Variants in IWS1 observed in about 807,000 individuals in gnomAD.
The protein encoded by IWS1 is interacts with SUPT6H, CTD assembly factor 1, also known as protein IWS1 homolog.
Under a neutral mutation model 86.7 loss-of-function variants are expected in IWS1, and 27 were observed. That is an observed-to-expected ratio of 0.31 (90% CI 0.23 to 0.43). The LOEUF (loss-of-function observed/expected upper bound fraction) is 0.43. Among genes scored for constraint, IWS1 ranks in the 20% least tolerant of loss-of-function variants. The probability of loss-of-function intolerance (pLI) is 1.00; values close to 1 mark genes in which losing one functional copy is unlikely to be tolerated. For synonymous variants in IWS1, 313 were observed against 335.1 expected (o/e 0.93, Z 0.72); for missense variants, 827 against 1,000.8 (o/e 0.83, Z 2.34).
chr2:127,507,239 T>C (rs776563020), intron 2 of IWS1, among the ~76,000 whole-genome samples: 4 of 152,232 alleles, frequency 2.6e-5, no homozygotes, highest in East Asian at 1.9e-4. Context: ...AACCCAAGTA[T>C]GCTGTGTCTA....
At chr2:127,517,583 A>G (rs1338803597) in intron 2 of IWS1, among the ~76,000 whole-genome samples, 1 of 152,250 alleles carries the variant, frequency 6.6e-6, no homozygotes, top group African/African-American at 2.4e-5. Context: ...ATAATTGCCG[A>G]CAAGAGTATG....
In IWS1 at chr2:127,493,357, T is replaced by G; in HGVS notation, c.1853A>C (p.Glu618Ala). Residue 618 changes from glutamate (E) to alanine (A), a missense_variant, in exon 9 of 14, where the codon GAA becomes GCA. Coordinates refer to ENST00000295321, the MANE Select transcript of IWS1 (RefSeq NM_017969.3). Reference protein sequence around the residue: ...IDSGVMSAIKEWLSPLPDRSL... With the variant: ...IDSGVMSAIKAWLSPLPDRSL... ...CCTATCTGGTAGAGGTGAGAGCCATTCTTTGATGGCAGACATCACACCACT... is the reference window on the plus strand; with the variant it reads ...CCTATCTGGTAGAGGTGAGAGCCATGCTTTGATGGCAGACATCACACCACT... 2 of 1,613,514 alleles carry G rather than the reference T, an allele frequency of 1.2e-6. No individual in the cohort carries two copies. The highest frequency in any genetic ancestry group is 1.7e-6 in the Non-Finnish European group (2 of 1,179,674).
At chr2:127,485,679 A>T (rs558391032) in intron 13 of IWS1, among the ~76,000 whole-genome samples, 15 of 152,346 alleles carry the variant, frequency 9.8e-5, no homozygotes, top group African/African-American at 3.6e-4. Flanking sequence ...GGATACTGAT[A>T]AAGGAAGGGA....
chr2:127,518,367 T>C (rs112008720), intron 2 of IWS1, among the ~76,000 whole-genome samples: 2,946 of 152,052 alleles, frequency 0.019, 100 homozygotes, highest in African/African-American at 0.068. Context: ...AATACAAAAA[T>C]TAGCTGGGCA....
chr2:127,489,372 C>T lies in IWS1; in HGVS notation c.2160-137G>A. On this transcript the variant is annotated intron_variant, in intron 11 of 13. Transcript: ENST00000295321. This position sits in a 1 kb window ranked among gnomAD's most constrained non-coding sequence, Gnocchi z 4.8. ...TGGATCAGGGAAAATAATTCCTAAT[C>T]TTTAAAAAGTACTACTCATTTTAGT... 1 of 643,692 alleles carries T rather than the reference C, an allele frequency of 1.6e-6. No homozygotes were observed. The highest frequency in any genetic ancestry group is 2.7e-6 in the Non-Finnish European group (1 of 363,808). 39.9% of individuals were successfully genotyped at this position (643,692 alleles called of 1,614,324 possible). A position where few individuals can be genotyped will look rare whatever the true frequency, so the allele number is the denominator to read the frequency against.
chr2:127,523,392 T>C (rs1321996619), intron 2 of IWS1, among the ~76,000 whole-genome samples: 1 of 152,142 alleles, frequency 6.6e-6, no homozygotes, highest in Non-Finnish European at 1.5e-5. Flanking sequence ...TAGGGAAACT[T>C]AGTCAAATAT....
At chr2:127,516,301 G>A (rs182184054) in intron 2 of IWS1, among the ~76,000 whole-genome samples, 112 of 152,190 alleles carry the variant, frequency 7.4e-4, no homozygotes, top group African/African-American at 2.6e-3. Context: ...CCGAGATCGC[G>A]TCATGGCACT....
intron 2 of IWS1, among the ~76,000 whole-genome samples, chr2:127,518,492 C>T (rs369202179): frequency 2.7e-5 from 4 of 150,228 alleles, no homozygotes; most frequent in Admixed American, 6.6e-5. Context: ...CCAGCCCGGG[C>T]GACAGTGTAA....
intron 2 of IWS1, among the ~76,000 whole-genome samples, chr2:127,519,334 AT>A (rs1317158909): frequency 1.4e-5 from 2 of 145,172 alleles, no homozygotes; most frequent in Admixed American, 1.4e-4. Flanking sequence ...TTATAGACAT[AT>A]ACAATTACTT....
chr2:127,520,994 TCA>T (rs1187904436), intron 2 of IWS1, among the ~76,000 whole-genome samples: 2 of 152,246 alleles, frequency 1.3e-5, no homozygotes, highest in Non-Finnish European at 2.9e-5. Context: ...GCACAGTGGC[TCA>T]CACCTGTAAT....
rs748246281 is a variant in IWS1 at position 127,526,413 on chromosome 2, G to T, written c.-205C>A. Reference sequence around the variant, plus strand: ...AGCCCCGGCGGAAAAGGCCGTACCCGGCAGGCTGGCGGGCGGGCAGGCATG... The same window carrying T: ...AGCCCCGGCGGAAAAGGCCGTACCCTGCAGGCTGGCGGGCGGGCAGGCATG... On this transcript the variant is annotated 5_prime_UTR_variant, in exon 1 of 14. Coordinates refer to ENST00000295321, the MANE Select transcript of IWS1 (RefSeq NM_017969.3). 6.5e-7 allele frequency: 1 copy of T among 1,536,142 alleles called. No individual in the cohort carries two copies. The highest frequency in any genetic ancestry group is 1.4e-5 in the African/African-American group (1 of 72,996).
intron 2 of IWS1, among the ~76,000 whole-genome samples, chr2:127,521,732 G>A (rs1396787895): frequency 1.3e-5 from 2 of 152,130 alleles, no homozygotes; most frequent in African/African-American, 4.8e-5. Context: ...TTGCAACATC[G>A]CAAAGTTGAA....
intron 12 of IWS1, chr2:127,488,273 G>C (rs1690041694): frequency 6.6e-6 from 1 of 152,124 alleles, no homozygotes; most frequent in Non-Finnish European, 1.5e-5. Context: ...TCAAATCTAG[G>C]TCTCTAGCCC....
chr2:127,521,553 C>G (rs1692094990), intron 2 of IWS1, among the ~76,000 whole-genome samples: 1 of 152,170 alleles, frequency 6.6e-6, no homozygotes, highest in Admixed American at 6.5e-5. Flanking sequence ...CTTAGCCTAG[C>G]CTACCTTAGA....
At position 127,526,466 on chromosome 2, in the gene IWS1, A is replaced by G. The variant is rs576431587; in HGVS notation, c.-258T>C. On this transcript the variant is annotated 5_prime_UTR_variant, in exon 1 of 14. Coordinates refer to ENST00000295321, the MANE Select transcript of IWS1 (RefSeq NM_017969.3). ...AGCCGGCGTTCTACTTCCTAGAAGC[A>G]CCGCTGGGGCCAAAATGGCGTCTGC... 3.2e-4 allele frequency: 493 copies of G among 1,529,850 alleles called. 3 individuals carry two copies. The South Asian group carries it at 3.3e-3, about 10-fold the overall frequency. The allele number at this position is 1,529,850 out of a possible 1,614,324, so 94.8% of individuals were successfully genotyped here.
chr2:127,482,636 A>T (rs1338523383), intron 13 of IWS1: 1 of 152,152 alleles, frequency 6.6e-6, no homozygotes, highest in Non-Finnish European at 1.5e-5. Context: ...CCCTTCGCCT[A>T]CTCCCAGGAC....
chr2:127,526,526 C>T (rs916922491), upstream of IWS1: 8 of 1,466,840 alleles, frequency 5.5e-6, no homozygotes, highest in African/African-American at 7.0e-5. Flanking sequence ...GCGCAGGCGC[C>T]GCAACCCGTC....
chr2:127,491,388 C>T (rs1025005397), intron 10 of IWS1, among the ~76,000 whole-genome samples: 2 of 152,186 alleles, frequency 1.3e-5, no homozygotes, highest in Non-Finnish European at 2.9e-5. Flanking sequence ...TGCAATCTAA[C>T]CCCTCTCTTT....
chr2:127,482,011 G>A (rs1689658714), intron 13 of IWS1, among the ~76,000 whole-genome samples: 1 of 152,174 alleles, frequency 6.6e-6, no homozygotes, highest in Non-Finnish European at 1.5e-5. Flanking sequence ...TTGCAAAGAT[G>A]TGGTCTCCAA....
Sources: gnomAD v4.1 joint callset for allele counts (sites outside exome capture counted in the v4.1 genomes callset) on GRCh38, gnomAD v4.1.1 for gene constraint, Gnocchi (gnomAD v3.1) non-coding constraint, MANE v1.5 for transcripts, NCBI Gene and HGNC (gene_info 2026-07-23, HGNC 2026-07-21) for gene names.